Variants in SSC5D observed in about 807,000 individuals in gnomAD.
SSC5D encodes soluble scavenger receptor cysteine-rich domain-containing protein SSC5D.
A neutral mutation model predicts 104.6 loss-of-function variants in SSC5D; 106 were observed. That is an observed-to-expected ratio of 1.01 (90% CI 0.87 to 1.19). The LOEUF is 1.19. Among genes scored for constraint, SSC5D ranks in the 50% most tolerant of loss-of-function variants. SSC5D has a pLI of 0.00. For missense variants in SSC5D, 1,993 were observed against 2,153.8 expected (o/e 0.93, Z 1.48); for synonymous variants, 860 against 883.5 (o/e 0.97, Z 0.47).
intron 12 of SSC5D, among the ~76,000 whole-genome samples, chr19:55,507,393 C>T (rs1443904435): frequency 1.4e-5 from 2 of 145,372 alleles, no homozygotes; most frequent in African/African-American, 2.6e-5. Flanking sequence ...ACGGGCCGGG[C>T]GCGGTGCCTC....
rs1987095048 is a variant in SSC5D, at chr19:55,490,139, C to T, written c.475+144C>T. On this transcript the variant is annotated intron_variant, in intron 4 of 13. Coordinates refer to ENST00000389623, the MANE Select transcript of SSC5D (RefSeq NM_001144950.2). ...GAGAGGGACCTCTGCAGTATGAACT[C>T]CCAGGGGACACACAGCCCGCCCCCT... 6.4e-6 allele frequency: 4 copies of T among 626,916 alleles called. No individual in the cohort carries two copies. The South Asian group carries it at 7.7e-5, about 12-fold the overall frequency. 38.8% of individuals were successfully genotyped at this position (626,916 alleles called of 1,614,324 possible).
intron 7 of SSC5D, 80 bp downstream of exon 7, chr19:55,493,992 G>GGGGGGGGGGGGGGGGA: frequency 3.5e-6 from 1 of 284,106 alleles, no homozygotes; most frequent in Non-Finnish European, 7.1e-6. Context: ...GGGGGCGGGG[G>GGGGGGGGGGGGGGGGA]GGTCCCTACG....
At chr19:55,499,739 GAGA>G in intron 9 of SSC5D, 74 bp from the exon 10 acceptor site, 1 of 1,150,286 alleles carries the variant, frequency 8.7e-7, no homozygotes, top group Non-Finnish European at 1.2e-6. Flanking sequence ...AGTGACTGGA[GAGA>G]AGGAGGGGCC....
chr19:55,498,008 C>G lies in SSC5D; in HGVS notation c.1516C>G (p.Arg506Gly). The change falls in exon 9 of 14, where the codon CGG (arginine) becomes GGG (glycine). Residue 506 changes from arginine (R) to glycine (G), a missense_variant. Physicochemically the swap from Arg to Gly is moderately radical, Grantham distance 125. Coordinates refer to ENST00000389623, the MANE Select transcript of SSC5D (RefSeq NM_001144950.2). ...WDMRDSAVVC[R>G]ELGCGGPQQP... ...CATGCGGGATTCAGCTGTGGTCTGC[C>G]GGGAGCTGGGCTGTGGTGGACCTCA... 6.4e-7 allele frequency: 1 copy of G among 1,551,728 alleles called. No homozygotes were observed. The highest frequency in any genetic ancestry group is 1.2e-5 in the South Asian group (1 of 84,058).
intron 13 of SSC5D, 42 bp downstream of exon 13, chr19:55,513,214 G>A (rs1211800982): frequency 1.4e-6 from 2 of 1,449,502 alleles, no homozygotes; most frequent in Non-Finnish European, 1.8e-6. Context: ...GACGGTATTT[G>A]TCCTGGGGTA....
At chr19:55,504,176 C>T in intron 12 of SSC5D, 2 of 1,535,422 alleles carry the variant, frequency 1.3e-6, no homozygotes, top group Non-Finnish European at 1.7e-6. Flanking sequence ...AGGGTTGCAG[C>T]GCCTCCCTAG....
chr19:55,491,195 C>A, intron 6 of SSC5D, 115 bp downstream of exon 6: 1 of 1,187,974 alleles, frequency 8.4e-7, no homozygotes, highest in Non-Finnish European at 1.2e-6. Flanking sequence ...CCCGCCTGCT[C>A]TCTGCATGCC....
At chr19:55,515,555 A>T (rs1169603027) in intron 13 of SSC5D, among the ~76,000 whole-genome samples, 1 of 151,906 alleles carries the variant, frequency 6.6e-6, no homozygotes, top group African/African-American at 2.4e-5. Flanking sequence ...ACACAGTGAA[A>T]CCCCATCTCT....
intron 1 of SSC5D, 90 bp downstream of exon 1, chr19:55,488,704 G>C: frequency 8.3e-7 from 1 of 1,199,906 alleles, no homozygotes; most frequent in African/African-American, 1.5e-5. Context: ...TCAAACTTCC[G>C]GGACTGGTCG....
chr19:55,513,008 T>C lies in SSC5D; in HGVS notation c.2786-3T>C. 6.4e-7 allele frequency: 1 copy of C among 1,551,942 alleles called. No individual in the cohort carries two copies. Among genetic ancestry groups the C allele is most frequent in the Non-Finnish European group, 8.7e-7 (1 of 1,147,042 alleles). ...CTCAATCCTCTTCCCCATATCTCTC[T>C]AGGCAGCAAAGATGGTTACAAGCTT... is the stretch of plus-strand genomic sequence containing the variant. On this transcript the variant is annotated splice_region_variant and splice_polypyrimidine_tract_variant and intron_variant, in intron 12 of 13. Transcript: ENST00000389623.
intron 13 of SSC5D, among the ~76,000 whole-genome samples, chr19:55,516,632 A>C (rs199570249): frequency 0.14 from 20,643 of 151,836 alleles, 1,986 homozygotes; most frequent in African/African-American, 0.26. Flanking sequence ...ATTAATTTTG[A>C]TTGTTTAAAA....
At position 55,500,543 on chromosome 19, in the gene SSC5D, G is replaced by T. The variant is rs1987461901; in HGVS notation, c.2356G>T (p.Glu786Ter). Reference protein sequence around the residue: ...DGPNRCAGRLEVWHAGRWGTV... With the variant: ...DGPNRCAGRL ...GCCCAACCGCTGTGCTGGCCGGCTG[G>T]AAGTGTGGCATGCCGGACGCTGGGG... is the stretch of plus-strand genomic sequence containing the variant. The change falls in exon 11 of 14, where the codon GAA (glutamate) becomes TAA (stop). Residue 786 changes from glutamate (E) to a stop codon, truncating the protein, a stop_gained. Coordinates refer to ENST00000389623, the MANE Select transcript of SSC5D (RefSeq NM_001144950.2). LOFTEE classifies it high-confidence loss of function. The surrounding 1 kb of genome is among the most constrained non-coding windows in gnomAD (Gnocchi z 4.6). 1 of 1,551,742 alleles carries T rather than the reference G, an allele frequency of 6.4e-7. No homozygotes were observed. The highest frequency in any genetic ancestry group is 1.2e-5 in the South Asian group (1 of 84,062).
Position 55,517,311 on chromosome 19 carries a change from C to A in SSC5D, c.3035C>A (p.Ser1012Tyr). The change falls in exon 14 of 14, where the codon TCC becomes TAC. Residue 1012 changes from serine (S) to tyrosine (Y), a missense_variant. By Grantham distance (144) the Ser-to-Tyr change is moderately radical. Coordinates refer to ENST00000389623, the MANE Select transcript of SSC5D (RefSeq NM_001144950.2). ...TAPPTPSPGP[S>Y]ASPGPPGPAL... is the part of the protein sequence containing the mutation. The stretch of plus-strand genomic sequence containing the variant: ...CCCCCAACCCCGTCCCCAGGTCCCT[C>A]CGCCTCTCCGGGACCCCCAGGCCCA... The A allele has an allele frequency of 6.5e-7, 1 of 1,549,670 alleles. No homozygotes were observed. Among genetic ancestry groups the A allele is most frequent in the Middle Eastern group, 1.7e-4 (1 of 5,986 alleles).
At chr19:55,516,846 T>C (rs1484636729) in intron 13 of SSC5D, among the ~76,000 whole-genome samples, 1 of 151,996 alleles carries the variant, frequency 6.6e-6, no homozygotes, top group Non-Finnish European at 1.5e-5. Context: ...CATCTCCCAG[T>C]CCCCCGCTGG....
In SSC5D at chr19:55,489,874, C is replaced by T. The variant is rs767850990; in HGVS notation, c.362-8C>T. On this transcript the variant is annotated splice_region_variant and splice_polypyrimidine_tract_variant and intron_variant, in intron 3 of 13. Transcript: ENST00000389623. ...CTCATAGCTTCTGTCCCTGCCCCCC[C>T]GCCGCAGGTCAGCGTGTGGCTAACT... The T allele has an allele frequency of 2.5e-5, 38 of 1,547,902 alleles. No individual in the cohort carries two copies. The highest frequency in any genetic ancestry group is 1.7e-4 in the Middle Eastern group (1 of 6,010).
At chr19:55,515,990 C>T (rs2123459947) in intron 13 of SSC5D, among the ~76,000 whole-genome samples, 1 of 152,288 alleles carries the variant, frequency 6.6e-6, no homozygotes, top group East Asian at 1.9e-4. Context: ...GCCCTCTTGC[C>T]CTAATTTCCC....
rs919613807 is a variant in SSC5D at position 55,493,912 on chromosome 19, G to A, written c.1213G>A (p.Gly405Ser). 64 of 1,542,372 alleles carry A rather than the reference G, an allele frequency of 4.1e-5. No homozygotes were observed. Among genetic ancestry groups the A allele is most frequent in the Non-Finnish European group, 5.3e-5 (61 of 1,146,306 alleles). The change falls in exon 7 of 14, where the codon GGC becomes AGC. Residue 405 changes from glycine to serine, a missense_variant and splice_region_variant. This residue lies in a region of SSC5D where 1,101 missense variants were observed against 1,085.0 expected (regional missense o/e 1.01). Transcript: ENST00000389623. The part of the protein sequence containing the change: ...HREDAGAVCD[G>S]MPLGYVPPTA... ...CGAGGACGCCGGGGCCGTGTGTGAC[G>A]GTGAGGGGGTTGTGGTGGAGGACCG...
chr19:55,517,375 C>T lies in SSC5D; in HGVS notation c.3099C>T (p.His1033=). 2 of 1,550,676 alleles carry T rather than the reference C, an allele frequency of 1.3e-6. No individual in the cohort carries two copies. Among genetic ancestry groups the T allele is most frequent in the Non-Finnish European group, 1.7e-6 (2 of 1,146,932 alleles). Residue 1033 remains histidine, a synonymous_variant, in exon 14 of 14, where the codon CAC becomes CAT. Transcript: ENST00000389623. ...TSDSSRELTP[H]SALTSEATSD... The stretch of plus-strand genomic sequence containing the variant: ...ACTCCAGTCGAGAGCTCACTCCCCA[C>T]TCAGCCTTGACGTCCGAGGCGACCT...
At chr19:55,498,917 A>G (rs969615271) in intron 9 of SSC5D, among the ~76,000 whole-genome samples, 1 of 152,206 alleles carries the variant, frequency 6.6e-6, no homozygotes, top group Admixed American at 6.5e-5. Flanking sequence ...GAGGCGCCTG[A>G]GGCAGGGCTC....
Sources: gnomAD v4.1 joint callset for allele counts (sites outside exome capture counted in the v4.1 genomes callset) on GRCh38, gnomAD v4.1.1 for gene constraint, gnomAD v4.1.1 regional missense constraint, Gnocchi (gnomAD v3.1) non-coding constraint, MANE v1.5 for transcripts, NCBI Gene and HGNC (gene_info 2026-07-23, HGNC 2026-07-21) for gene names.